PDLIM4: variants seen among roughly 807,000 people sequenced by gnomAD.
The protein encoded by PDLIM4 is PDZ and LIM domain protein 4.
In PDLIM4, 19 loss-of-function variants were observed where a neutral mutation model predicts 31.3. That is an observed-to-expected ratio of 0.61 (90% CI 0.42 to 0.89). The LOEUF (loss-of-function observed/expected upper bound fraction) is 0.89, where lower values mean the gene tolerates loss of function less well. PDLIM4 is among the 40% of genes least tolerant of loss of function. The pLI is 0.00. For synonymous variants in PDLIM4, 176 were observed against 190.1 expected (o/e 0.93, Z 0.61); for missense variants, 442 against 461.1 (o/e 0.96, Z 0.38).
Position 132,272,403 on chromosome 5 carries a change from G to A in PDLIM4, c.*174G>A. ...CCCGAGTACAGTAGTATCTGCTTAG[G>A]TGCCAGGCATGTCCTAGGCTCTGGG... On this transcript the variant is annotated 3_prime_UTR_variant, in exon 7 of 7. Coordinates refer to ENST00000253754, the MANE Select transcript of PDLIM4 (RefSeq NM_003687.4). The A allele has an allele frequency of 3.2e-6, 2 of 634,766 alleles. No individual in the cohort carries two copies. The highest frequency in any genetic ancestry group is 1.8e-5 in the South Asian group (1 of 54,860). The allele number at this position is 634,766 out of a possible 1,614,324, so 39.3% of individuals were successfully genotyped here. A position where few individuals can be genotyped will look rare whatever the true frequency, so the allele number is the denominator to read the frequency against.
intron 1 of PDLIM4, among the ~76,000 whole-genome samples, chr5:132,259,168 T>TGTGTGC (rs199528321): frequency 6.9e-6 from 1 of 144,374 alleles, no homozygotes; most frequent in Non-Finnish European, 1.5e-5. Flanking sequence ...TGTGTGTGTG[T>TGTGTGC]ACGCAAGCCT....
At chr5:132,267,542 A>G (rs978460388) in intron 3 of PDLIM4, among the ~76,000 whole-genome samples, 50 of 152,226 alleles carry the variant, frequency 3.3e-4, no homozygotes, top group African/African-American at 1.1e-3. Context: ...GAGTAGTCAC[A>G]TGACTCAGAC....
Position 132,257,856 on chromosome 5 carries a change from G to T in PDLIM4, c.93+29G>T, listed in dbSNP as rs1341819938. 3.8e-6 allele frequency: 5 copies of T among 1,319,384 alleles called. No homozygotes were observed. The Admixed American group carries it at 1.0e-4, about 27-fold the overall frequency. 81.7% of individuals were successfully genotyped at this position (1,319,384 alleles called of 1,614,324 possible). A position where few individuals can be genotyped will look rare whatever the true frequency, so the allele number is the denominator to read the frequency against. ...AGTCTGGCGGCTGCGTGGCGGCAGG[G>T]CGGTCCCATGTCTGAGACCGGGTTC... On this transcript the variant is annotated intron_variant, in intron 1 of 6. Transcript: ENST00000253754. The surrounding 1 kb of genome is among the most constrained non-coding windows in gnomAD (Gnocchi z 4.3).
chr5:132,264,588 C>CTCCATCTCCAG (rs1554080037), intron 2 of PDLIM4, among the ~76,000 whole-genome samples: 2 of 151,630 alleles, frequency 1.3e-5, no homozygotes, highest in African/African-American at 4.8e-5. Flanking sequence ...GCCCTGCAGC[C>CTCCATCTCCAG]CCCTCACACA....
In PDLIM4 at chr5:132,272,618, T is replaced by C. The variant is rs529238410; in HGVS notation, c.*389T>C. 3.3e-6 allele frequency: 1 copy of C among 298,768 alleles called. No homozygotes were observed. The highest frequency in any genetic ancestry group is 3.3e-5 in the South Asian group (1 of 30,352). The allele number at this position is 298,768 out of a possible 1,614,324, so 18.5% of individuals were successfully genotyped here. On this transcript the variant is annotated 3_prime_UTR_variant, in exon 7 of 7. Coordinates refer to ENST00000253754, the MANE Select transcript of PDLIM4 (RefSeq NM_003687.4). ...AAAGTCTTAGCTGAGAACTAAGAGATGAGGGAGGCACAAACTCTGCACGGG... is the reference window on the plus strand; with the variant it reads ...AAAGTCTTAGCTGAGAACTAAGAGACGAGGGAGGCACAAACTCTGCACGGG...
rs760622349 is a variant in PDLIM4 at position 132,271,465 on chromosome 5, C to G, written c.669C>G (p.Gly223=). The change falls in exon 5 of 7, where the codon GGC becomes GGG. Residue 223 remains glycine (G), a splice_region_variant and synonymous_variant. Transcript: ENST00000253754. ...AGGGCATGCTAGAGGCCGGCGAGGGCGGTAAGACGCCTGCCACCTGTCCCC... is the reference window on the plus strand; with the variant it reads ...AGGGCATGCTAGAGGCCGGCGAGGGGGGTAAGACGCCTGCCACCTGTCCCC... ...YLQGMLEAGE[G]GDWPGPGGPR... 3.1e-6 allele frequency: 5 copies of G among 1,607,700 alleles called. No homozygotes were observed. Among genetic ancestry groups the G allele is most frequent in the Non-Finnish European group, 3.4e-6 (4 of 1,179,840 alleles).
In PDLIM4 at chr5:132,272,017, C is replaced by T; in HGVS notation, c.789-8C>T. ...CTCGACGCTGTCCTGTCTCGTTCCC[C>T]CCATCAGGGGCACCATCGTCAAGGC... On this transcript the variant is annotated splice_polypyrimidine_tract_variant and splice_region_variant and intron_variant, in intron 6 of 6. Coordinates refer to ENST00000253754, the MANE Select transcript of PDLIM4 (RefSeq NM_003687.4). 12 of 1,613,678 alleles carry T rather than the reference C, an allele frequency of 7.4e-6. No homozygotes were observed. The highest frequency in any genetic ancestry group is 9.3e-6 in the Non-Finnish European group (11 of 1,179,530).
chr5:132,259,387 C>T (rs530553207), intron 1 of PDLIM4, among the ~76,000 whole-genome samples: 22 of 152,218 alleles, frequency 1.4e-4, no homozygotes, highest in East Asian at 3.9e-4. Context: ...GCTGCGGCTG[C>T]GGCAGCAGCA....
Position 132,271,091 on chromosome 5 carries a change from C to A in PDLIM4, c.504C>A (p.Pro168=). 2 of 1,613,174 alleles carry A rather than the reference C, an allele frequency of 1.2e-6. No individual in the cohort carries two copies. Among genetic ancestry groups the A allele is most frequent in the South Asian group, 1.1e-5 (1 of 91,036 alleles). Residue 168 remains proline (P), a splice_region_variant and synonymous_variant, in exon 4 of 7, where the codon CCC becomes CCA. Coordinates refer to ENST00000253754, the MANE Select transcript of PDLIM4 (RefSeq NM_003687.4). The part of the protein sequence containing the change: ...QMSTLHVSPP[P]SADPARGLPR... Reference sequence around the variant, plus strand: ...GCACCCTGCATGTGTCTCCACCCCCCAGGTAGCACAGAGATGCCTTCGGTG... The same window carrying A: ...GCACCCTGCATGTGTCTCCACCCCCAAGGTAGCACAGAGATGCCTTCGGTG...
chr5:132,271,605 A>G, intron 5 of PDLIM4, 139 bp downstream of exon 5: 2 of 1,030,490 alleles, frequency 1.9e-6, no homozygotes, highest in South Asian at 2.7e-5. Flanking sequence ...CCTTGCTACA[A>G]CCTTGCTACG....
intron 2 of PDLIM4, among the ~76,000 whole-genome samples, chr5:132,264,878 TG>T (rs1440028696): frequency 3.3e-5 from 5 of 152,052 alleles, no homozygotes; most frequent in Admixed American, 1.3e-4. Flanking sequence ...CTTCCCTATC[TG>T]CCCTCTTGTG....
chr5:132,266,661 C>CAG, intron 3 of PDLIM4, 116 bp downstream of exon 3: 3 of 629,844 alleles, frequency 4.8e-6, no homozygotes, highest in Non-Finnish European at 5.5e-6. Context: ...ATACCCAAGA[C>CAG]AGAGACTGAA....
intron 2 of PDLIM4, among the ~76,000 whole-genome samples, chr5:132,263,606 T>TC (rs1448478946): frequency 4.6e-5 from 7 of 152,126 alleles, no homozygotes; most frequent in African/African-American, 1.7e-4. Context: ...ATCTCCCCAC[T>TC]CCCCTGCCCA....
intron 2 of PDLIM4, among the ~76,000 whole-genome samples, chr5:132,266,027 G>A (rs1979981): frequency 0.59 from 89,569 of 151,974 alleles, 27,072 homozygotes; most frequent in Non-Finnish European, 0.64. Context: ...CAGAGCCGAC[G>A]GACGCCTGAC....
In PDLIM4 at chr5:132,266,487, G is replaced by C; in HGVS notation, c.269G>C (p.Ser90Thr). The change falls in exon 3 of 7, where the codon AGT (serine) becomes ACT (threonine). Residue 90 changes from serine (S) to threonine (T), a missense_variant. Coordinates refer to ENST00000253754, the MANE Select transcript of PDLIM4 (RefSeq NM_003687.4). ...AGGCCTGAGGGTAGGAGCTGGCCCA[G>C]TGCCCCTGATGACAGCAAGGCTCAG... ...VSRPEGRSWP[S>T]APDDSKAQAH... 1 of 1,612,884 alleles carries C rather than the reference G, an allele frequency of 6.2e-7. No individual in the cohort carries two copies. The highest frequency in any genetic ancestry group is 8.5e-7 in the Non-Finnish European group (1 of 1,179,026).
At position 132,257,886 on chromosome 5, in the gene PDLIM4, G is replaced by A; in HGVS notation, c.93+59G>A. On this transcript the variant is annotated intron_variant, in intron 1 of 6. Coordinates refer to ENST00000253754, the MANE Select transcript of PDLIM4 (RefSeq NM_003687.4). This position sits in a 1 kb window ranked among gnomAD's most constrained non-coding sequence, Gnocchi z 4.3. ...CCCATGTCTGAGACCGGGTTCTCGC[G>A]GTCCGCCCGGGACCCAGATCCCCTG... 2 of 987,798 alleles carry A rather than the reference G, an allele frequency of 2.0e-6. No individual in the cohort carries two copies. Among genetic ancestry groups the A allele is most frequent in the Non-Finnish European group, 2.8e-6 (2 of 707,780 alleles). 61.2% of individuals were successfully genotyped at this position (987,798 alleles called of 1,614,324 possible).
Position 132,258,750 on chromosome 5 carries a change from C to T in PDLIM4, c.93+923C>T, listed in dbSNP as rs191249106. Among the ~76,000 whole-genome samples the T allele has an allele frequency of 6.3e-3, 959 of 152,382 alleles. 33 individuals carry two copies. Among genetic ancestry groups the T allele is most frequent in the Admixed American group, 0.043 (656 of 15,308 alleles). ...AGAACCCAGGCCCTGCCCTTGGCGG[C>T]TCTCAGTCTGGAAGGAGCAGAGGAG... On this transcript the variant is annotated intron_variant, in intron 1 of 6. Coordinates refer to ENST00000253754, the MANE Select transcript of PDLIM4 (RefSeq NM_003687.4).
chr5:132,271,410 C>G lies in PDLIM4; in HGVS notation c.614C>G (p.Pro205Arg). ...REPAEPVAAE[P>R]KQSGSFRYLQ... is the part of the protein sequence containing the mutation. The stretch of plus-strand genomic sequence containing the variant: ...CCAGCCGAGCCCGTGGCCGCGGAGC[C>G]CAAGCAGTCAGGCTCCTTCCGCTAC... Residue 205 changes from proline (P) to arginine (R), a missense_variant, in exon 5 of 7, where the codon CCC (proline) becomes CGC (arginine). Coordinates refer to ENST00000253754, the MANE Select transcript of PDLIM4 (RefSeq NM_003687.4). 6.2e-7 allele frequency: 1 copy of G among 1,608,928 alleles called. No homozygotes were observed. Among genetic ancestry groups the G allele is most frequent in the Non-Finnish European group, 8.5e-7 (1 of 1,179,918 alleles).
At chr5:132,266,845 G>T in intron 3 of PDLIM4, 1 of 276,466 alleles carries the variant, frequency 3.6e-6, no homozygotes, top group South Asian at 9.1e-5. Context: ...GCCAGCTGGA[G>T]TTCACTCTGG....
Sources: gnomAD v4.1 joint callset for allele counts (sites outside exome capture counted in the v4.1 genomes callset) on GRCh38, gnomAD v4.1.1 for gene constraint, Gnocchi (gnomAD v3.1) non-coding constraint, MANE v1.5 for transcripts, NCBI Gene and HGNC (gene_info 2026-07-23, HGNC 2026-07-21) for gene names.